The following KIF26B variants were observed in gnomAD, a reference collection of about 807,000 sequenced individuals.
KIF26B encodes kinesin-like protein KIF26B.
A neutral mutation model predicts 151.2 loss-of-function variants in KIF26B; 63 were observed. The observed-to-expected ratio is 0.42, with a 90% confidence interval of 0.34 to 0.51. The LOEUF (loss-of-function observed/expected upper bound fraction) is 0.51, where lower values mean the gene tolerates loss of function less well. KIF26B is among the 20% of genes least tolerant of loss of function. The probability of loss-of-function intolerance (pLI) is 0.07; values close to 1 mark genes in which losing one functional copy is unlikely to be tolerated. For synonymous variants in KIF26B, 1,357 were observed against 1,262.1 expected (o/e 1.08, Z -1.59); for missense variants, 2,813 against 2,913.6 (o/e 0.97, Z 0.79).
At chr1:245,469,326 A>T (rs1224079022) in intron 4 of KIF26B, among the ~76,000 whole-genome samples, 2 of 152,172 alleles carry the variant, frequency 1.3e-5, no homozygotes, top group African/African-American at 4.8e-5. Flanking sequence ...AGCTGCCTTG[A>T]CTTGAAATGG....
chr1:245,227,092 G>GT lies in KIF26B; in HGVS notation c.465+70415dup, dbSNP rs1216559044. ...CCCTAGCACGGGCCAGTCCTATGTC[G>GT]TTTTTTGGCATTTTTGAGGAACAGC... On this transcript the variant is annotated intron_variant, in intron 2 of 14. Transcript: ENST00000407071. The surrounding 1 kb of genome is among the most constrained non-coding windows in gnomAD (Gnocchi z 4.1). 2.0e-5 allele frequency among the ~76,000 whole-genome samples: 3 copies of GT among 152,078 alleles called. No homozygotes were observed. The highest frequency in any genetic ancestry group is 4.4e-5 in the Non-Finnish European group (3 of 68,016).
At chr1:245,257,298 A>G (rs1436414823) in intron 2 of KIF26B, among the ~76,000 whole-genome samples, 1 of 152,194 alleles carries the variant, frequency 6.6e-6, no homozygotes, top group Non-Finnish European at 1.5e-5. Context: ...CAACCAAGCT[A>G]TAGCCCGACC....
At chr1:245,169,031 A>G (rs1402958038) in intron 2 of KIF26B, among the ~76,000 whole-genome samples, 1 of 152,142 alleles carries the variant, frequency 6.6e-6, no homozygotes, top group Non-Finnish European at 1.5e-5. Context: ...TAAAAGCAGA[A>G]CTTGATTTTG....
chr1:245,273,744 A>G (rs1212556672), intron 2 of KIF26B, among the ~76,000 whole-genome samples: 1 of 152,114 alleles, frequency 6.6e-6, no homozygotes, highest in Non-Finnish European at 1.5e-5. Flanking sequence ...TTTTCAGCCT[A>G]TGTGTGTTTT....
chr1:245,234,000 G>A (rs1558355643), intron 2 of KIF26B, among the ~76,000 whole-genome samples: 1 of 151,896 alleles, frequency 6.6e-6, no homozygotes, highest in Non-Finnish European at 1.5e-5. Flanking sequence ...CCTGGCCAAC[G>A]TGGTAAAACC....
At chr1:245,668,995 A>G (rs2044250871) in intron 10 of KIF26B, among the ~76,000 whole-genome samples, 1 of 152,190 alleles carries the variant, frequency 6.6e-6, no homozygotes, top group Non-Finnish European at 1.5e-5. Context: ...CCTGGCCAGG[A>G]TCATGTTTCT....
intron 2 of KIF26B, chr1:245,216,194 C>T (rs1374409609): frequency 1.1e-5 from 1 of 87,592 alleles, no homozygotes; most frequent in African/African-American, 4.2e-5. Context: ...ATGGGAATTA[C>T]TTGCTTTAAA....
At chr1:245,645,140 A>G (rs2043933422) in intron 9 of KIF26B, among the ~76,000 whole-genome samples, 1 of 151,886 alleles carries the variant, frequency 6.6e-6, no homozygotes, top group Admixed American at 6.6e-5. Context: ...CCAAGACCCA[A>G]ACACCTCCCA....
Position 245,702,466 on chromosome 1 carries a change from G to T in KIF26B, c.6187G>T (p.Glu2063Ter), listed in dbSNP as rs1237672388. ...PNKWLSEFDL[E>*]QVWELDSLEY... ...CTCTTCCTCTCTTGCAGTTGACTTGGAGCAGGTTTGGGAGCTGGATTCCCT... is the reference window on the plus strand; with the variant it reads ...CTCTTCCTCTCTTGCAGTTGACTTGTAGCAGGTTTGGGAGCTGGATTCCCT... The change falls in exon 15 of 15, where the codon GAG (glutamate) becomes TAG (stop). Residue 2063 changes from glutamate (E) to a stop codon, truncating the protein, a stop_gained. Coordinates refer to ENST00000407071, the MANE Select transcript of KIF26B (RefSeq NM_018012.4). LOFTEE classifies it high-confidence loss of function. This position sits in a 1 kb window ranked among gnomAD's most constrained non-coding sequence, Gnocchi z 4.1. 6.2e-7 allele frequency: 1 copy of T among 1,613,926 alleles called. No homozygotes were observed. Among genetic ancestry groups the T allele is most frequent in the East Asian group, 2.2e-5 (1 of 44,870 alleles).
intron 2 of KIF26B, among the ~76,000 whole-genome samples, chr1:245,265,355 T>C (rs1670726274): frequency 6.6e-6 from 1 of 152,126 alleles, no homozygotes; most frequent in Admixed American, 6.6e-5. Flanking sequence ...TAAGGAAACT[T>C]GGTTATGCAG....
chr1:245,640,122 G>GCTCGCTCTCTCTCTCTCTCT lies in KIF26B; in HGVS notation c.2099-5996_2099-5995insGCTCTCTCTCTCTCTCTCTC, dbSNP rs1553299289. ...CTCCTGTTTAGATCTACTAATATTT[G>GCTCGCTCTCTCTCTCTCTCT]CTCTCTCTCTCTCTCTCTCTCTATA... On this transcript the variant is annotated intron_variant, in intron 9 of 14. Transcript: ENST00000407071. Among the ~76,000 whole-genome samples the GCTCGCTCTCTCTCTCTCTCT allele has an allele frequency of 5.7e-3, 308 of 53,918 alleles. 39 individuals are homozygous for GCTCGCTCTCTCTCTCTCTCT. Among genetic ancestry groups the GCTCGCTCTCTCTCTCTCTCT allele is most frequent in the African/African-American group, 9.2e-3 (123 of 13,298 alleles). 35.4% of individuals were successfully genotyped at this position (53,918 alleles called of 152,430 possible). A position where few individuals can be genotyped will look rare whatever the true frequency, so the allele number is the denominator to read the frequency against.
chr1:245,689,715 G>A (rs537311334), intron 12 of KIF26B, among the ~76,000 whole-genome samples: 1 of 152,258 alleles, frequency 6.6e-6, no homozygotes, highest in South Asian at 2.1e-4. Flanking sequence ...GCACCACCGT[G>A]CCTGGCTAAT....
intron 5 of KIF26B, among the ~76,000 whole-genome samples, chr1:245,598,246 C>T (rs1037930561): frequency 6.6e-6 from 1 of 152,140 alleles, no homozygotes; most frequent in African/African-American, 2.4e-5. Flanking sequence ...TGTAGAGGGC[C>T]TTCATTGTGG....
chr1:245,245,230 T>A (rs1223937595), intron 2 of KIF26B, among the ~76,000 whole-genome samples: 2 of 152,226 alleles, frequency 1.3e-5, no homozygotes, highest in Admixed American at 6.5e-5. Context: ...CCTTTGTCCC[T>A]GATGCCTAAT....
chr1:245,649,447 G>T (rs2043990096), intron 10 of KIF26B, among the ~76,000 whole-genome samples: 1 of 152,196 alleles, frequency 6.6e-6, no homozygotes, highest in African/African-American at 2.4e-5. Context: ...AGCACAGCAG[G>T]AAAGCCCCGA....
chr1:245,468,354 G>A (rs12027076), intron 4 of KIF26B, among the ~76,000 whole-genome samples: 13,363 of 152,110 alleles, frequency 0.088, 847 homozygotes, highest in East Asian at 0.27. Flanking sequence ...GAATATCTAC[G>A]CCCTCTCTGT....
intron 9 of KIF26B, among the ~76,000 whole-genome samples, chr1:245,629,898 A>G (rs1049478816): frequency 4.0e-5 from 6 of 151,886 alleles, no homozygotes; most frequent in African/African-American, 1.5e-4. Flanking sequence ...TTTACAAGAA[A>G]AACAAACATC....
chr1:245,316,805 G>A (rs1671785656), intron 2 of KIF26B, among the ~76,000 whole-genome samples: 1 of 125,642 alleles, frequency 8.0e-6, no homozygotes, highest in Admixed American at 7.5e-5. Context: ...TGTGATTTCT[G>A]TGGGGCTTTT....
At chr1:245,659,829 A>T (rs1446074499) in intron 10 of KIF26B, among the ~76,000 whole-genome samples, 1 of 151,828 alleles carries the variant, frequency 6.6e-6, no homozygotes. Context: ...ATTTGAGGTG[A>T]GGAGTTTAAG....
Sources: allele counts gnomAD v4.1 joint callset (sites outside exome capture counted in the v4.1 genomes callset), GRCh38; gene constraint gnomAD v4.1.1; non-coding constraint Gnocchi (gnomAD v3.1); transcripts MANE v1.5; gene names NCBI Gene and HGNC (gene_info 2026-07-23, HGNC 2026-07-21).